Variants in SLC14A2 observed in about 807,000 individuals in gnomAD.
SLC14A2 encodes solute carrier family 14 member 2, also known as urea transporter 2.
A neutral mutation model predicts 104.6 loss-of-function variants in SLC14A2; 91 were observed. The ratio of observed to expected loss-of-function variants is 0.87; its 90% CI spans 0.73 to 1.04. The LOEUF (loss-of-function observed/expected upper bound fraction) is 1.04, where lower values mean the gene tolerates loss of function less well. SLC14A2 is among the 50% of genes least tolerant of loss of function. The probability of loss-of-function intolerance (pLI) is 0.00; values close to 1 mark genes in which losing one functional copy is unlikely to be tolerated. For missense variants in SLC14A2, 1,189 were observed against 1,156.0 expected (o/e 1.03, Z -0.41); for synonymous variants, 476 against 466.4 (o/e 1.02, Z -0.27).
chr18:45,282,849 T>TTTCTTCTC (rs2084776835), intron 1 of SLC14A2, among the ~76,000 whole-genome samples: 2 of 36,972 alleles, frequency 5.4e-5, no homozygotes, highest in Non-Finnish European at 1.1e-4. Flanking sequence ...TTTCTTCTCT[T>TTTCTTCTC]CCTTCTTTCC....
intron 2 of SLC14A2, among the ~76,000 whole-genome samples, chr18:45,489,740 TG>T (rs767262184): frequency 6.6e-5 from 10 of 152,120 alleles, no homozygotes; most frequent in Non-Finnish European, 1.3e-4. Context: ...TGCAAAACAC[TG>T]GAAGTTTGAC....
At chr18:45,460,362 T>C (rs2087022154) in intron 1 of SLC14A2, among the ~76,000 whole-genome samples, 3 of 152,120 alleles carry the variant, frequency 2.0e-5, no homozygotes, top group Admixed American at 2.0e-4. Context: ...GTCTTCCTAT[T>C]CAGGTGCTAT....
chr18:45,182,162 T>A, the SLC14A2 span, among the ~76,000 whole-genome samples: 1 of 151,902 alleles, frequency 6.6e-6, no homozygotes, highest in Non-Finnish European at 1.5e-5. Flanking sequence ...ATAGTATGTA[T>A]AAAATAAAAA....
At chr18:45,212,071 T>A (rs546097630), upstream of SLC14A2, among the ~76,000 whole-genome samples, 8 of 152,358 alleles carry the variant, frequency 5.3e-5, no homozygotes, top group African/African-American at 1.9e-4. Context: ...TTCTTATATA[T>A]TTTTCTGTGA....
intron 2 of SLC14A2, among the ~76,000 whole-genome samples, chr18:45,596,495 A>C (rs1378670299): frequency 2.6e-5 from 4 of 152,210 alleles, no homozygotes; most frequent in African/African-American, 9.7e-5. Flanking sequence ...GGAGTTGAAC[A>C]AGAGAAGGGG....
intron 1 of SLC14A2, among the ~76,000 whole-genome samples, chr18:45,370,000 G>C (rs1249286216): frequency 2.0e-5 from 3 of 152,178 alleles, no homozygotes; most frequent in Non-Finnish European, 4.4e-5. Context: ...TCTATGGACT[G>C]AGAGCCAGAG....
intron 2 of SLC14A2, among the ~76,000 whole-genome samples, chr18:45,594,715 T>C (rs2044697523): frequency 6.6e-6 from 1 of 152,186 alleles, no homozygotes; most frequent in African/African-American, 2.4e-5. Flanking sequence ...GCCTGATAGA[T>C]GGGAGGCTGA....
intron 2 of SLC14A2, among the ~76,000 whole-genome samples, chr18:45,560,812 C>T (rs1219242346): frequency 3.9e-5 from 6 of 152,100 alleles, no homozygotes; most frequent in Non-Finnish European, 7.4e-5. Flanking sequence ...TGCTTGTCCC[C>T]ACCTCTCTCC....
At chr18:45,226,524 A>G (rs1174540981) in intron 1 of SLC14A2, among the ~76,000 whole-genome samples, 1 of 152,094 alleles carries the variant, frequency 6.6e-6, no homozygotes, top group Admixed American at 6.5e-5. Context: ...TTGTTGGGAC[A>G]TGGATGAAGC....
At chr18:45,330,456 A>C (rs746197985) in intron 1 of SLC14A2, among the ~76,000 whole-genome samples, 1 of 152,184 alleles carries the variant, frequency 6.6e-6, no homozygotes, top group Non-Finnish European at 1.5e-5. Context: ...TTTGTGTGTA[A>C]GTGATGATGG....
intron 2 of SLC14A2, among the ~76,000 whole-genome samples, chr18:45,553,998 G>T (rs1273299604): frequency 6.6e-6 from 1 of 152,194 alleles, no homozygotes; most frequent in Admixed American, 6.5e-5. Flanking sequence ...TGTATTCGGA[G>T]CAAAACTAAA....
chr18:45,368,636 G>T (rs545759136), intron 1 of SLC14A2, among the ~76,000 whole-genome samples: 4 of 152,200 alleles, frequency 2.6e-5, no homozygotes, highest in East Asian at 1.9e-4. Context: ...AAGCTAGAAA[G>T]GTTTGGGGAC....
At chr18:45,548,415 C>G (rs1249600290) in intron 2 of SLC14A2, among the ~76,000 whole-genome samples, 3 of 152,176 alleles carry the variant, frequency 2.0e-5, no homozygotes, top group Non-Finnish European at 4.4e-5. Flanking sequence ...TAAATAATCA[C>G]AAATTTGGCA....
intron 1 of SLC14A2, among the ~76,000 whole-genome samples, chr18:45,352,157 G>A (rs994447413): frequency 1.1e-4 from 17 of 152,138 alleles, no homozygotes; most frequent in Admixed American, 2.0e-4. Flanking sequence ...TGTAGAAGGT[G>A]CACATTCATG....
chr18:45,196,752 C>A, the SLC14A2 span, among the ~76,000 whole-genome samples: 1 of 152,218 alleles, frequency 6.6e-6, no homozygotes, highest in African/African-American at 2.4e-5. Flanking sequence ...TTCTCTAGTG[C>A]CTTGCAGGTT....
chr18:45,420,931 G>A (rs552484855), intron 1 of SLC14A2, among the ~76,000 whole-genome samples: 140 of 151,964 alleles, frequency 9.2e-4, no homozygotes, highest in Non-Finnish European at 1.7e-3. Context: ...AATAGAGATG[G>A]GGTTTCACCA....
chr18:45,426,698 T>TACACACACACAC lies in SLC14A2; in HGVS notation c.-124-56511_-124-56500dup, dbSNP rs34456057. ...ACACACATATACATATATACATACA[T>TACACACACACAC]ACACACACACACACACACACACACA... On this transcript the variant is annotated intron_variant, in intron 1 of 20. Coordinates refer to the SLC14A2 transcript ENST00000586448. 2.8e-4 allele frequency among the ~76,000 whole-genome samples: 39 copies of TACACACACACAC among 140,994 alleles called. No homozygotes were observed. The South Asian group carries it at 5.5e-3, about 20-fold the overall frequency. 92.5% of individuals were successfully genotyped at this position (140,994 alleles called of 152,430 possible).
At chr18:45,668,501 TG>T in intron 15 of SLC14A2, 24 bp downstream of exon 15, 1 of 1,613,900 alleles carries the variant, frequency 6.2e-7, no homozygotes, top group Non-Finnish European at 8.5e-7. Flanking sequence ...TGAAGGGTTG[TG>T]GGTTCATATC....
the SLC14A2 span, among the ~76,000 whole-genome samples, chr18:45,171,723 A>G: frequency 1.3e-5 from 2 of 152,088 alleles, no homozygotes; most frequent in Non-Finnish European, 2.9e-5. Context: ...TGCTAGTTAT[A>G]TTTTTCTTAT....
Sources: gnomAD v4.1 joint callset for allele counts (sites outside exome capture counted in the v4.1 genomes callset) on GRCh38, gnomAD v4.1.1 for gene constraint, MANE v1.5 for transcripts, NCBI Gene and HGNC (gene_info 2026-07-23, HGNC 2026-07-21) for gene names.